Variants in XRCC4 observed in about 807,000 individuals in gnomAD.
XRCC4 encodes the protein X-ray repair cross complementing 4, also known as DNA repair protein XRCC4.
XRCC4 carries 28 observed loss-of-function variants against 39.1 expected under a neutral mutation model. The ratio of observed to expected loss-of-function variants is 0.72; its 90% CI spans 0.53 to 0.98. XRCC4 has a LOEUF of 0.98. Ranked by LOEUF, XRCC4 falls within the 50% of genes least tolerant of loss-of-function variation. XRCC4 has a pLI of 0.00. For synonymous variants in XRCC4, 123 were observed against 126.4 expected (o/e 0.97, Z 0.18); for missense variants, 350 against 376.4 (o/e 0.93, Z 0.58).
chr5:83,320,420 G>C (rs1030836356), intron 7 of XRCC4, among the ~76,000 whole-genome samples: 6 of 150,410 alleles, frequency 4.0e-5, no homozygotes, highest in Admixed American at 6.6e-5. Context: ...AACCACTCCT[G>C]GCGAAGATTC....
At position 83,218,062 on chromosome 5, in the gene XRCC4, T is replaced by A. The variant is rs73769416; in HGVS notation, c.745+13141T>A. ...TTGAACTTCTCAGTCTTTACCTTTT[T>A]TATATATATATATATATTTATTAGA... On this transcript the variant is annotated intron_variant, in intron 6 of 7. Coordinates refer to ENST00000396027, the MANE Select transcript of XRCC4 (RefSeq NM_003401.5). 4.5e-3 allele frequency among the ~76,000 whole-genome samples: 657 copies of A among 147,568 alleles called. 5 individuals are homozygous for A. The highest frequency in any genetic ancestry group is 8.9e-3 in the African/African-American group (356 of 39,834).
At chr5:83,122,773 C>T (rs1183813002) in intron 3 of XRCC4, among the ~76,000 whole-genome samples, 2 of 151,936 alleles carry the variant, frequency 1.3e-5, no homozygotes, top group East Asian at 3.9e-4. Flanking sequence ...CCTAATTTCC[C>T]TTTTCATTTT....
intron 3 of XRCC4, among the ~76,000 whole-genome samples, chr5:83,156,757 C>T (rs915174324): frequency 6.6e-6 from 1 of 152,026 alleles, no homozygotes; most frequent in Non-Finnish European, 1.5e-5. Flanking sequence ...AATATCCATA[C>T]ATTTTTGGAA....
At chr5:83,212,305 T>C (rs1751680396) in intron 6 of XRCC4, among the ~76,000 whole-genome samples, 1 of 152,064 alleles carries the variant, frequency 6.6e-6, no homozygotes, top group Non-Finnish European at 1.5e-5. Flanking sequence ...AAGAGTGTAA[T>C]AACTGAAATG....
chr5:83,357,675 A>G (rs778991035), downstream of XRCC4, among the ~76,000 whole-genome samples: 3 of 152,234 alleles, frequency 2.0e-5, no homozygotes, highest in Non-Finnish European at 4.4e-5. Context: ...TCAAGAAGAC[A>G]TGACAAGAAT....
At position 83,225,176 on chromosome 5, in the gene XRCC4, C is replaced by A. The variant is rs1023819441; in HGVS notation, c.745+20255C>A. Among the ~76,000 whole-genome samples, 3 of 152,028 alleles carry A rather than the reference C, an allele frequency of 2.0e-5. No individual in the cohort carries two copies. In the South Asian group the frequency reaches 6.2e-4, roughly 32 times the overall value. Reference sequence around the variant, plus strand: ...TCTTTGTGTTTGTCCAAACTGTTATCGCTGTTTTTGGTGAGCCCCTGAAGC... The same window carrying A: ...TCTTTGTGTTTGTCCAAACTGTTATAGCTGTTTTTGGTGAGCCCCTGAAGC... On this transcript the variant is annotated intron_variant, in intron 6 of 7. Coordinates refer to ENST00000396027, the MANE Select transcript of XRCC4 (RefSeq NM_003401.5).
chr5:83,155,735 T>A (rs932862183), intron 3 of XRCC4, among the ~76,000 whole-genome samples: 4 of 152,042 alleles, frequency 2.6e-5, no homozygotes, highest in Non-Finnish European at 5.9e-5. Context: ...TTTAAAACAT[T>A]TACACCAGTT....
intron 7 of XRCC4, among the ~76,000 whole-genome samples, chr5:83,308,188 T>C (rs1044949413): frequency 1.3e-5 from 2 of 152,180 alleles, no homozygotes; most frequent in African/African-American, 4.8e-5. Flanking sequence ...AAGTGTTCCA[T>C]CAATAAAACA....
intron 2 of XRCC4, among the ~76,000 whole-genome samples, chr5:83,108,981 T>C (rs1746326921): frequency 6.6e-6 from 1 of 151,686 alleles, no homozygotes; most frequent in African/African-American, 2.4e-5. Context: ...TGTTAATATA[T>C]GAATATAAGC....
the XRCC4 span, among the ~76,000 whole-genome samples, chr5:83,365,446 A>C: frequency 2.6e-5 from 4 of 152,220 alleles, no homozygotes; most frequent in East Asian, 3.9e-4. Context: ...CGACTGCTTC[A>C]CATGGTGAGT....
rs538855162 is a variant in XRCC4 at position 83,288,888 on chromosome 5, T to C, written c.893+30211T>C. 9.2e-5 allele frequency among the ~76,000 whole-genome samples: 14 copies of C among 152,056 alleles called. 1 individual carries two copies. The South Asian group carries it at 2.9e-3, about 31-fold the overall frequency. ...ATATTTTTTCTACTCTGTTTTCTTTTTCTTCTTCTGGTATTCTAATTATAT... is the reference window on the plus strand; with the variant it reads ...ATATTTTTTCTACTCTGTTTTCTTTCTCTTCTTCTGGTATTCTAATTATAT... On this transcript the variant is annotated intron_variant, in intron 7 of 7. Transcript: ENST00000396027.
At chr5:83,159,733 T>C (rs931009636) in intron 3 of XRCC4, among the ~76,000 whole-genome samples, 1 of 152,158 alleles carries the variant, frequency 6.6e-6, no homozygotes, top group Non-Finnish European at 1.5e-5. Context: ...AATCAAAATC[T>C]CTTAGCTCAA....
In XRCC4 at chr5:83,255,094, G is replaced by GA. The variant is rs935722919; in HGVS notation, c.746-3425dup. 2.9e-4 allele frequency among the ~76,000 whole-genome samples: 39 copies of GA among 134,818 alleles called. 1 individual carries two copies. Among genetic ancestry groups the GA allele is most frequent in the East Asian group, 7.3e-4 (3 of 4,118 alleles). 88.4% of individuals were successfully genotyped at this position (134,818 alleles called of 152,430 possible). On this transcript the variant is annotated intron_variant, in intron 6 of 7. Transcript: ENST00000396027. ...AAGAGCAAAATTCCGTCTCAAAAAA[G>GA]AAAAAAAAAAAGAAAAGAAATTTGA...
chr5:83,283,714 G>A (rs1191803223), intron 7 of XRCC4, among the ~76,000 whole-genome samples: 1 of 152,126 alleles, frequency 6.6e-6, no homozygotes, highest in East Asian at 1.9e-4. Context: ...ATTAGAACAT[G>A]TTCCATGTGC....
chr5:83,203,388 A>T (rs1298331397), intron 4 of XRCC4, among the ~76,000 whole-genome samples, 164 bp from the exon 5 acceptor site: 1 of 152,152 alleles, frequency 6.6e-6, no homozygotes, highest in African/African-American at 2.4e-5. Context: ...ATAATTTCTA[A>T]TTGTGTATTT....
At chr5:83,144,033 A>C (rs1269132271) in intron 3 of XRCC4, among the ~76,000 whole-genome samples, 1 of 152,000 alleles carries the variant, frequency 6.6e-6, no homozygotes, top group Non-Finnish European at 1.5e-5. Flanking sequence ...CCCTATATGT[A>C]GTTTTTTATC....
At chr5:83,339,096 T>A (rs1284879497) in intron 7 of XRCC4, among the ~76,000 whole-genome samples, 1 of 152,222 alleles carries the variant, frequency 6.6e-6, no homozygotes, top group Non-Finnish European at 1.5e-5. Flanking sequence ...TACGGTGATC[T>A]GTTTTAAAAG....
chr5:83,363,615 A>G, the XRCC4 span, among the ~76,000 whole-genome samples: 1 of 152,202 alleles, frequency 6.6e-6, no homozygotes, highest in Admixed American at 6.5e-5. Context: ...TGTTGCAAAC[A>G]GTCTTTGGAA....
At chr5:83,294,356 G>T (rs301293) in intron 7 of XRCC4, among the ~76,000 whole-genome samples, 11,808 of 151,992 alleles carry the variant, frequency 0.078, 616 homozygotes, top group Non-Finnish European at 0.1. Context: ...TTGGTATTTT[G>T]AACAAAAAAT....
Sources: gnomAD v4.1 joint callset for allele counts (sites outside exome capture counted in the v4.1 genomes callset) on GRCh38, gnomAD v4.1.1 for gene constraint, MANE v1.5 for transcripts, NCBI Gene and HGNC (gene_info 2026-07-23, HGNC 2026-07-21) for gene names.